HDAC9: variants seen among roughly 807,000 people sequenced by gnomAD.
The protein encoded by HDAC9 is histone deacetylase 9.
In HDAC9, 41 loss-of-function variants were observed where a neutral mutation model predicts 139.4. The ratio of observed to expected loss-of-function variants is 0.29; its 90% CI spans 0.23 to 0.38. HDAC9 has a LOEUF of 0.38. Ranked by LOEUF, HDAC9 falls within the 10% of genes least tolerant of loss-of-function variation. The probability of loss-of-function intolerance (pLI) is 1.00; values close to 1 mark genes in which losing one functional copy is unlikely to be tolerated. For missense variants in HDAC9, 1,147 were observed against 1,297.0 expected (o/e 0.88, Z 1.78); for synonymous variants, 517 against 476.2 (o/e 1.09, Z -1.12).
intron 2 of HDAC9, among the ~76,000 whole-genome samples, chr7:18,263,155 A>G (rs1795786303): frequency 6.6e-6 from 1 of 152,174 alleles, no homozygotes; most frequent in Non-Finnish European, 1.5e-5. Context: ...GAATGTAGAA[A>G]GTAAAAGAAT....
At chr7:18,198,304 G>C (rs1336715566) in intron 2 of HDAC9, among the ~76,000 whole-genome samples, 1 of 151,860 alleles carries the variant, frequency 6.6e-6, no homozygotes, top group Non-Finnish European at 1.5e-5. Flanking sequence ...TAATATAACT[G>C]TAAAAAAGAA....
At chr7:18,841,979 A>C (rs950622466) in intron 21 of HDAC9, among the ~76,000 whole-genome samples, 1 of 152,144 alleles carries the variant, frequency 6.6e-6, no homozygotes, top group African/African-American at 2.4e-5. Flanking sequence ...AAGGATATGT[A>C]ATAGAACTTG....
intron 2 of HDAC9, among the ~76,000 whole-genome samples, chr7:18,501,419 T>C (rs1247937302): frequency 6.6e-5 from 10 of 152,260 alleles, no homozygotes; most frequent in Non-Finnish European, 7.4e-5. Flanking sequence ...AAAGCACTGA[T>C]TTTTAAAAAT....
At chr7:18,976,019 A>C in intron 25 of HDAC9, 66 bp downstream of exon 25, 1 of 1,519,338 alleles carries the variant, frequency 6.6e-7, no homozygotes, top group South Asian at 1.3e-5. Flanking sequence ...GATATTTGTG[A>C]ATCTTCCTCC....
At chr7:18,705,734 T>G (rs1783839366) in intron 12 of HDAC9, among the ~76,000 whole-genome samples, 1 of 151,264 alleles carries the variant, frequency 6.6e-6, no homozygotes, top group African/African-American at 2.4e-5. Context: ...GTACCTGTAA[T>G]CCCAGCTGCT....
Position 18,733,122 on chromosome 7 carries a change from CAT to C in HDAC9, c.1909+5366_1909+5367del, listed in dbSNP as rs553176716. On this transcript the variant is annotated intron_variant, in intron 13 of 25. Transcript: ENST00000686413. ...GTATATATACATATATATGTGTATACATGTATATATATACACATGTATACACA... is the reference window on the plus strand; with the variant it reads ...GTATATATACATATATATGTGTATACGTATATATATACACATGTATACACA... 7.0e-3 allele frequency among the ~76,000 whole-genome samples: 992 copies of C among 141,748 alleles called. 7 individuals carry two copies. Among genetic ancestry groups the C allele is most frequent in the African/African-American group, 0.018 (658 of 37,316 alleles). The allele number at this position is 141,748 out of a possible 152,430, so 93.0% of individuals were successfully genotyped here.
chr7:18,677,362 C>T (rs1457161336), intron 12 of HDAC9, among the ~76,000 whole-genome samples: 1 of 149,946 alleles, frequency 6.7e-6, no homozygotes, highest in East Asian at 2.0e-4. Flanking sequence ...TACAGATATG[C>T]CACAATTTGT....
chr7:18,851,446 C>T (rs1797287820), intron 21 of HDAC9: 2 of 152,538 alleles, frequency 1.3e-5, no homozygotes, highest in South Asian at 4.1e-4. Context: ...CGCGTTCCGC[C>T]ATGATTGTAA....
intron 2 of HDAC9, among the ~76,000 whole-genome samples, chr7:18,222,234 C>G (rs1256365047): frequency 1.3e-5 from 2 of 152,130 alleles, no homozygotes; most frequent in Non-Finnish European, 2.9e-5. Flanking sequence ...ATGTTACTTG[C>G]AAGTTAAACC....
At chr7:18,550,941 G>A (rs1166268748) in intron 2 of HDAC9, among the ~76,000 whole-genome samples, 1 of 152,178 alleles carries the variant, frequency 6.6e-6, no homozygotes, top group Non-Finnish European at 1.5e-5. Context: ...TAGGACCCTA[G>A]CAATCCTGTT....
chr7:18,449,332 C>T (rs1484849283), intron 1 of HDAC9, among the ~76,000 whole-genome samples: 2 of 152,024 alleles, frequency 1.3e-5, no homozygotes. Context: ...ATTGGTTTAC[C>T]TTACAAATAT....
At chr7:18,088,606 A>G (rs1368627532) in intron 1 of HDAC9, among the ~76,000 whole-genome samples, 1 of 152,218 alleles carries the variant, frequency 6.6e-6, no homozygotes, top group Non-Finnish European at 1.5e-5. Context: ...CATTTAAGAA[A>G]TCAGCAATCA....
chr7:18,169,267 A>T (rs113868211), intron 2 of HDAC9, among the ~76,000 whole-genome samples: 42 of 152,116 alleles, frequency 2.8e-4, no homozygotes, highest in African/African-American at 1.0e-3. Flanking sequence ...ACAAAATAGA[A>T]GTACTTGTTT....
chr7:18,137,879 G>C (rs1490185985), intron 1 of HDAC9, among the ~76,000 whole-genome samples: 2 of 152,026 alleles, frequency 1.3e-5, no homozygotes, highest in Non-Finnish European at 2.9e-5. Context: ...CAGAAGGAAT[G>C]GTACCAGTTC....
intron 1 of HDAC9, among the ~76,000 whole-genome samples, chr7:18,095,102 C>T (rs894328846): frequency 6.6e-6 from 1 of 151,986 alleles, no homozygotes; most frequent in South Asian, 2.1e-4. Flanking sequence ...CATCTCGTAG[C>T]GAAAATCAGA....
intron 12 of HDAC9, chr7:18,668,887 A>G: frequency 2.0e-6 from 2 of 983,308 alleles, no homozygotes; most frequent in Non-Finnish European, 2.4e-6. Flanking sequence ...GCCGTATTTA[A>G]TCGAAGTTGA....
intron 13 of HDAC9, among the ~76,000 whole-genome samples, chr7:18,735,585 T>C (rs1278189032): frequency 6.6e-6 from 1 of 152,216 alleles, no homozygotes; most frequent in Non-Finnish European, 1.5e-5. Context: ...TTCTGTTCTA[T>C]TGGTCTACAT....
At chr7:18,177,424 G>T (rs1387160545) in intron 2 of HDAC9, among the ~76,000 whole-genome samples, 1 of 152,066 alleles carries the variant, frequency 6.6e-6, no homozygotes, top group Non-Finnish European at 1.5e-5. Context: ...AGGTATATAA[G>T]AACCCGTACC....
At chr7:18,814,745 A>G (rs1794438817) in intron 17 of HDAC9, among the ~76,000 whole-genome samples, 1 of 152,190 alleles carries the variant, frequency 6.6e-6, no homozygotes, top group Non-Finnish European at 1.5e-5. Context: ...GATCACATTT[A>G]CTTGTTGGTA....
Sources: allele counts gnomAD v4.1 joint callset (sites outside exome capture counted in the v4.1 genomes callset), GRCh38; gene constraint gnomAD v4.1.1; transcripts MANE v1.5; gene names NCBI Gene and HGNC (gene_info 2026-07-23, HGNC 2026-07-21).